The following KDM2B variants were observed in gnomAD, a reference collection of about 807,000 sequenced individuals.
The protein encoded by KDM2B is lysine-specific demethylase 2B.
A neutral mutation model predicts 150.0 loss-of-function variants in KDM2B; 26 were observed. The ratio of observed to expected loss-of-function variants is 0.17; its 90% CI spans 0.13 to 0.24. The LOEUF is 0.24. KDM2B is among the 10% of genes least tolerant of loss of function. The pLI is 1.00. For synonymous variants in KDM2B, 734 were observed against 729.5 expected (o/e 1.01, Z -0.10); for missense variants, 1,265 against 1,816.9 (o/e 0.70, Z 5.52).
intron 13 of KDM2B, among the ~76,000 whole-genome samples, chr12:121,449,337 CGT>C (rs555367149): frequency 6.6e-6 from 1 of 151,996 alleles, no homozygotes; most frequent in Non-Finnish European, 1.5e-5. Flanking sequence ...GGTGGGGCTG[CGT>C]ATGTCACAGG....
intron 12 of KDM2B, among the ~76,000 whole-genome samples, chr12:121,466,177 C>G (rs1402870217): frequency 6.6e-6 from 1 of 152,114 alleles, no homozygotes; most frequent in Non-Finnish European, 1.5e-5. Context: ...GGTCATTCCA[C>G]AACACCTTTA....
intron 10 of KDM2B, among the ~76,000 whole-genome samples, chr12:121,512,282 C>T (rs1396850705): frequency 6.6e-6 from 1 of 151,996 alleles, no homozygotes; most frequent in Non-Finnish European, 1.5e-5. Flanking sequence ...GAATGAGGCT[C>T]GCGACAGACC....
chr12:121,511,281 A>ATT (rs35590443), intron 10 of KDM2B, among the ~76,000 whole-genome samples: 309 of 110,276 alleles, frequency 2.8e-3, no homozygotes, highest in African/African-American at 4.3e-3. Context: ...AATGCTAGGA[A>ATT]TTTTTTTTTT....
chr12:121,461,184 G>A (rs979477279), intron 12 of KDM2B, among the ~76,000 whole-genome samples: 1 of 152,124 alleles, frequency 6.6e-6, no homozygotes. Context: ...GGGTGGGAGT[G>A]GGGTTACGAA....
intron 13 of KDM2B, among the ~76,000 whole-genome samples, chr12:121,447,311 C>T (rs752650884): frequency 4.6e-5 from 7 of 151,314 alleles, no homozygotes; most frequent in South Asian, 2.1e-4. Context: ...TGCAGTGGCA[C>T]GGTCTCGACT....
intron 12 of KDM2B, among the ~76,000 whole-genome samples, chr12:121,464,060 T>C (rs1879481593): frequency 6.6e-6 from 1 of 152,098 alleles, no homozygotes; most frequent in South Asian, 2.1e-4. Flanking sequence ...CCCATCTCTA[T>C]ATAAATAAAA....
At chr12:121,568,076 C>T (rs185892969) in intron 4 of KDM2B, among the ~76,000 whole-genome samples, 5 of 152,078 alleles carry the variant, frequency 3.3e-5, no homozygotes, top group East Asian at 1.9e-4. Context: ...TACTTTCTTA[C>T]GGCAGCCCAA....
intron 12 of KDM2B, among the ~76,000 whole-genome samples, chr12:121,483,889 T>G (rs1555298335): frequency 6.6e-6 from 1 of 151,728 alleles, no homozygotes; most frequent in African/African-American, 2.4e-5. Flanking sequence ...TGACAAAACG[T>G]AAACAGGGCT....
intron 1 of KDM2B, chr12:121,580,305 G>C (rs1891867400): frequency 1.9e-6 from 2 of 1,075,978 alleles, no homozygotes; most frequent in South Asian, 3.7e-5. Context: ...CATTGTTGCC[G>C]ATCGCGCTCG....
At chr12:121,546,360 CTCTG>C (rs1438138854) in intron 6 of KDM2B, among the ~76,000 whole-genome samples, 2 of 150,250 alleles carry the variant, frequency 1.3e-5, no homozygotes, top group African/African-American at 4.9e-5. Flanking sequence ...CTCCCATCTC[CTCTG>C]TCTTTTTTTT....
the KDM2B span, among the ~76,000 whole-genome samples, chr12:121,422,736 T>A: frequency 4.6e-5 from 7 of 152,340 alleles, no homozygotes; most frequent in Middle Eastern, 3.4e-3. Context: ...AACTTTTTTT[T>A]AACTTATTCA....
rs1045157010 is a variant in KDM2B, at chr12:121,519,996, G to A, written c.1047+989C>T. Among the ~76,000 whole-genome samples, 6 of 152,050 alleles carry A rather than the reference G, an allele frequency of 3.9e-5. No individual in the cohort carries two copies. In the East Asian group the frequency reaches 7.7e-4, roughly 20 times the overall value. ...CAACCTCCGCCTCCCGGGCTCAAAC[G>A]ACCCTCCCACCACAGCCTCTCAAGT... On this transcript the variant is annotated intron_variant, in intron 9 of 22. Transcript: ENST00000377071.
At chr12:121,410,970 C>A in the KDM2B span, among the ~76,000 whole-genome samples, 4 of 152,094 alleles carry the variant, frequency 2.6e-5, no homozygotes, top group Non-Finnish European at 5.9e-5. Context: ...GGTCTCACTC[C>A]GTCACCCAGG....
At position 121,443,292 on chromosome 12, in the gene KDM2B, C is replaced by T. The variant is rs573990572; in HGVS notation, c.2566-262G>A. The stretch of plus-strand genomic sequence containing the variant: ...ACCCCACAGACCTGGAGATGTGCAG[C>T]CGCCCATTCAAATCATCCTCGGCTC... On this transcript the variant is annotated intron_variant, in intron 17 of 22. Coordinates refer to ENST00000377071, the MANE Select transcript of KDM2B (RefSeq NM_032590.5). The T allele has an allele frequency of 6.3e-5, 37 of 585,496 alleles. 1 individual carries two copies. In the South Asian group the frequency reaches 6.8e-4, roughly 11 times the overall value. 36.3% of individuals were successfully genotyped at this position (585,496 alleles called of 1,614,324 possible).
intron 11 of KDM2B, among the ~76,000 whole-genome samples, chr12:121,502,980 G>GGT (rs1566347120): frequency 7.7e-6 from 1 of 129,654 alleles, no homozygotes; most frequent in African/African-American, 3.2e-5. Flanking sequence ...TTTTTTGTGG[G>GGT]TTTTTTTTTT....
intron 8 of KDM2B, among the ~76,000 whole-genome samples, chr12:121,529,606 A>T (rs1439635108): frequency 2.0e-5 from 3 of 152,000 alleles, no homozygotes; most frequent in African/African-American, 7.3e-5. Context: ...AATGCTGGAG[A>T]GAATCCCCAG....
At chr12:121,417,271 AGT>A in the KDM2B span, among the ~76,000 whole-genome samples, 19 of 152,344 alleles carry the variant, frequency 1.2e-4, no homozygotes, top group Non-Finnish European at 2.4e-4. The surrounding 1 kb of genome is among the most constrained non-coding windows in gnomAD (Gnocchi z 5.0). Context: ...TTAACACAAG[AGT>A]GTGTTTTTCT....
intron 6 of KDM2B, among the ~76,000 whole-genome samples, chr12:121,540,472 G>A (rs1056157036): frequency 7.9e-5 from 12 of 152,104 alleles, no homozygotes; most frequent in African/African-American, 2.7e-4. Context: ...ATGAGGGCCA[G>A]GTGCAGTGGC....
chr12:121,570,018 T>C lies in KDM2B; in HGVS notation c.397+4529A>G, dbSNP rs79314682. On this transcript the variant is annotated intron_variant, in intron 4 of 22. Transcript: ENST00000377071. ...AGGCATGCCACCAAGCCCAGCTAAT[T>C]TTTGTGTTTTGGGTTTTTTGGGTTT... Among the ~76,000 whole-genome samples, 938 of 151,828 alleles carry C rather than the reference T, an allele frequency of 6.2e-3. 46 individuals are homozygous for C. In the East Asian group the frequency reaches 0.11, roughly 18 times the overall value.
Sources: gnomAD v4.1 joint callset for allele counts (sites outside exome capture counted in the v4.1 genomes callset) on GRCh38, gnomAD v4.1.1 for gene constraint, Gnocchi (gnomAD v3.1) non-coding constraint, MANE v1.5 for transcripts, NCBI Gene and HGNC (gene_info 2026-07-23, HGNC 2026-07-21) for gene names.